Variants in PPM1H observed in about 807,000 individuals in gnomAD.
PPM1H encodes the protein protein phosphatase, Mg2+/Mn2+ dependent 1H.
A neutral mutation model predicts 54.9 loss-of-function variants in PPM1H; 27 were observed. That is an observed-to-expected ratio of 0.49 (90% CI 0.36 to 0.68). The LOEUF is 0.68. Ranked by LOEUF, PPM1H falls within the 30% of genes least tolerant of loss-of-function variation. PPM1H has a pLI of 0.00. For missense variants in PPM1H, 596 were observed against 667.8 expected, an observed-to-expected ratio of 0.89 and a Z score of 1.19; for synonymous variants, 305 against 270.8, an observed-to-expected ratio of 1.13 and a Z score of -1.24.
intron 1 of PPM1H, among the ~76,000 whole-genome samples, chr12:62,857,974 G>A (rs1269274834): frequency 2.0e-5 from 3 of 151,712 alleles, no homozygotes; most frequent in Admixed American, 1.3e-4. Context: ...TTTGTCATGA[G>A]GCTTCAGACT....
chr12:62,892,696 C>A (rs569784173), intron 1 of PPM1H, among the ~76,000 whole-genome samples: 5 of 152,264 alleles, frequency 3.3e-5, no homozygotes, highest in African/African-American at 1.2e-4. Flanking sequence ...CAAATTTGCA[C>A]AAGCTCACAT....
intron 2 of PPM1H, among the ~76,000 whole-genome samples, chr12:62,811,278 T>A (rs764078189): frequency 1.1e-4 from 17 of 152,342 alleles, no homozygotes; most frequent in Non-Finnish European, 2.2e-4. Flanking sequence ...CTGTATGTTT[T>A]AAAAATGATA....
chr12:62,759,134 G>A (rs1052178520), intron 4 of PPM1H, among the ~76,000 whole-genome samples: 5 of 152,180 alleles, frequency 3.3e-5, no homozygotes, highest in African/African-American at 4.8e-5. Context: ...CTGCACCCAG[G>A]TGAAATAAAC....
In PPM1H at chr12:62,919,096, C is replaced by T. The variant is rs570317796; in HGVS notation, c.245+15396G>A. ...CAAACTCTGCTAGAAAAATAATAGT[C>T]TCAGCATGAGTTTAATTAAACTTGC... On this transcript the variant is annotated intron_variant, in intron 1 of 9. Coordinates refer to ENST00000228705, the MANE Select transcript of PPM1H (RefSeq NM_020700.2). 2.6e-4 allele frequency among the ~76,000 whole-genome samples: 39 copies of T among 152,330 alleles called. No homozygotes were observed. In the South Asian group the frequency reaches 6.2e-3, roughly 24 times the overall value.
intron 1 of PPM1H, among the ~76,000 whole-genome samples, chr12:62,842,196 A>G (rs1327858887): frequency 6.6e-6 from 1 of 152,202 alleles, no homozygotes; most frequent in African/African-American, 2.4e-5. Context: ...GTTTAGAACA[A>G]TATCATTTGT....
intron 6 of PPM1H, among the ~76,000 whole-genome samples, chr12:62,719,723 T>G (rs536416225): frequency 5.3e-5 from 8 of 152,338 alleles, no homozygotes; most frequent in South Asian, 2.1e-4. Flanking sequence ...TATCACTTTA[T>G]CCATGGAAAA....
chr12:62,661,644 G>C (rs1383251927), intron 9 of PPM1H, among the ~76,000 whole-genome samples: 1 of 152,168 alleles, frequency 6.6e-6, no homozygotes, highest in South Asian at 2.1e-4. Flanking sequence ...GGATCCGCCT[G>C]CCTTGGCTTC....
intron 4 of PPM1H, among the ~76,000 whole-genome samples, chr12:62,781,230 C>A (rs559556175): frequency 5.9e-5 from 9 of 152,322 alleles, no homozygotes; most frequent in Admixed American, 5.9e-4. Context: ...GTTAGAAATT[C>A]TCACCCAACT....
intron 1 of PPM1H, among the ~76,000 whole-genome samples, chr12:62,876,671 C>A (rs1043262638): frequency 6.6e-6 from 1 of 152,164 alleles, no homozygotes; most frequent in African/African-American, 2.4e-5. Context: ...CGGAAACCAG[C>A]TGAACAAGGT....
At position 62,931,545 on chromosome 12, in the gene PPM1H, T is replaced by G. The variant is rs112975558; in HGVS notation, c.245+2947A>C. On this transcript the variant is annotated intron_variant, in intron 1 of 9. Transcript: ENST00000228705. ...GTATATTATCTGACAGGGTTAAAGG[T>G]GAGAAGAGAGAGATGGCCAAGACTT... 5.6e-3 allele frequency among the ~76,000 whole-genome samples: 859 copies of G among 152,208 alleles called. 11 individuals carry two copies. The highest frequency in any genetic ancestry group is 0.019 in the African/African-American group (808 of 41,530).
intron 4 of PPM1H, among the ~76,000 whole-genome samples, chr12:62,747,237 A>C (rs2076418024): frequency 6.6e-6 from 1 of 151,830 alleles, no homozygotes; most frequent in East Asian, 1.9e-4. Context: ...CCCAGGTTCA[A>C]GTGATTCTCC....
At chr12:62,787,204 T>C (rs1432060640) in intron 4 of PPM1H, among the ~76,000 whole-genome samples, 1 of 151,830 alleles carries the variant, frequency 6.6e-6, no homozygotes, top group Non-Finnish European at 1.5e-5. Flanking sequence ...CAACTTAAGC[T>C]GGAGACAGGG....
chr12:62,776,615 A>G (rs2076612753), intron 4 of PPM1H, among the ~76,000 whole-genome samples: 1 of 152,236 alleles, frequency 6.6e-6, no homozygotes, highest in South Asian at 2.1e-4. Flanking sequence ...AGCAGGAACC[A>G]GCCCCTTCCA....
intron 4 of PPM1H, among the ~76,000 whole-genome samples, chr12:62,761,781 A>G (rs2120613472): frequency 6.6e-6 from 1 of 152,314 alleles, no homozygotes; most frequent in East Asian, 1.9e-4. Context: ...CTGCGGTAAG[A>G]GTCATTCTAG....
rs184032423 is a variant in PPM1H, at chr12:62,706,340, G to A, written c.1074-12341C>T. On this transcript the variant is annotated intron_variant, in intron 6 of 9. Transcript: ENST00000228705. ...TATTCAGGCCGCCAAGGCAAGAAGCGCAGGCCTGAGTAACAGCTGTCGATA... is the reference window on the plus strand; with the variant it reads ...TATTCAGGCCGCCAAGGCAAGAAGCACAGGCCTGAGTAACAGCTGTCGATA... Among the ~76,000 whole-genome samples, 258 of 152,202 alleles carry A rather than the reference G, an allele frequency of 1.7e-3. 1 individual carries two copies. The Middle Eastern group carries it at 0.027, about 16-fold the overall frequency.
At chr12:62,681,820 T>C (rs2076020356) in intron 8 of PPM1H, among the ~76,000 whole-genome samples, 2 of 152,214 alleles carry the variant, frequency 1.3e-5, no homozygotes, top group Admixed American at 6.5e-5. Flanking sequence ...ACCGGACTCA[T>C]GATACCTATG....
intron 2 of PPM1H, among the ~76,000 whole-genome samples, chr12:62,803,610 G>C (rs1466169953): frequency 6.6e-6 from 1 of 151,966 alleles, no homozygotes; most frequent in African/African-American, 2.4e-5. Context: ...AAAAACATGG[G>C]GGAAAAAAAC....
chr12:62,881,884 C>T (rs1229166198), intron 1 of PPM1H, among the ~76,000 whole-genome samples: 1 of 152,188 alleles, frequency 6.6e-6, no homozygotes, highest in Admixed American at 6.5e-5. Context: ...CCAATCCACT[C>T]TCCAGATCAG....
chr12:62,885,595 A>C (rs1252494279), intron 1 of PPM1H, among the ~76,000 whole-genome samples: 1 of 152,198 alleles, frequency 6.6e-6, no homozygotes, highest in East Asian at 1.9e-4. Flanking sequence ...TACACAGGGC[A>C]CACACAGTAG....
Sources: gnomAD v4.1 joint callset for allele counts (sites outside exome capture counted in the v4.1 genomes callset) on GRCh38, gnomAD v4.1.1 for gene constraint, MANE v1.5 for transcripts, NCBI Gene and HGNC (gene_info 2026-07-23, HGNC 2026-07-21) for gene names.